ATP8A2: variants seen among roughly 807,000 people sequenced by gnomAD.
ATP8A2 encodes ATPase phospholipid transporting 8A2.
In ATP8A2, 100 loss-of-function variants were observed where a neutral mutation model predicts 165.6. That is an observed-to-expected ratio of 0.60 (90% CI 0.51 to 0.71). The LOEUF (loss-of-function observed/expected upper bound fraction) is 0.71. ATP8A2 is among the 30% of genes least tolerant of loss of function. The pLI is 0.00. For synonymous variants in ATP8A2, 543 were observed against 548.8 expected, an observed-to-expected ratio of 0.99 and a Z score of 0.15; for missense variants, 1,227 against 1,479.5, an observed-to-expected ratio of 0.83 and a Z score of 2.80.
At chr13:25,679,395 G>A (rs1246046009) in intron 24 of ATP8A2, among the ~76,000 whole-genome samples, 1 of 152,198 alleles carries the variant, frequency 6.6e-6, no homozygotes, top group East Asian at 1.9e-4. Context: ...TTATCACCCA[G>A]GCAGCCATGT....
Position 25,699,213 on chromosome 13 carries a change from G to T in ATP8A2, c.2252G>T (p.Gly751Val), listed in dbSNP as rs1276351013. ...AAITQHCTDLGNLLGKENDVA... is the reference protein window; with the variant it reads ...AAITQHCTDLVNLLGKENDVA... ...ATTACTCAGCACTGCACTGACCTTG[G>T]GAATTTGCTGGGCAAGGAAAATGAC... Residue 751 changes from glycine (G) to valine (V), a missense_variant, in exon 25 of 37, where the codon GGG (glycine) becomes GTG (valine). By Grantham distance (109) the Gly-to-Val change is moderately radical (BLOSUM62 -3). This residue lies in a region of ATP8A2 where 592 missense variants were observed against 785.6 expected (regional missense o/e 0.75). Coordinates refer to ENST00000381655, the MANE Select transcript of ATP8A2 (RefSeq NM_016529.6). 3 of 1,612,296 alleles carry T rather than the reference G, an allele frequency of 1.9e-6. No individual in the cohort carries two copies. The South Asian group carries it at 3.3e-5, about 18-fold the overall frequency.
intron 28 of ATP8A2, among the ~76,000 whole-genome samples, chr13:25,834,983 CGTGTGTGT>C (rs61614959): frequency 6.7e-6 from 1 of 149,536 alleles, no homozygotes; most frequent in Admixed American, 6.6e-5. Flanking sequence ...TGATCCCTAA[CGTGTGTGT>C]GTGTGTGTGT....
At chr13:25,707,210 T>G (rs1013520753) in intron 25 of ATP8A2, among the ~76,000 whole-genome samples, 4 of 152,170 alleles carry the variant, frequency 2.6e-5, no homozygotes, top group African/African-American at 9.7e-5. Context: ...TCTAAATAAT[T>G]ATTTACAGCT....
chr13:25,973,629 A>G (rs2139225190), intron 35 of ATP8A2, among the ~76,000 whole-genome samples: 1 of 152,370 alleles, frequency 6.6e-6, no homozygotes, highest in South Asian at 2.1e-4. Flanking sequence ...TACTCAACTC[A>G]AAAATACCTG....
At chr13:25,503,037 C>T (rs922033577) in intron 2 of ATP8A2, among the ~76,000 whole-genome samples, 1 of 152,070 alleles carries the variant, frequency 6.6e-6, no homozygotes, top group South Asian at 2.1e-4. Context: ...ATGGAGGTGT[C>T]CAAGCGGGGG....
intron 25 of ATP8A2, among the ~76,000 whole-genome samples, chr13:25,735,100 CCT>C (rs1168209282): frequency 6.6e-6 from 1 of 152,086 alleles, no homozygotes; most frequent in Non-Finnish European, 1.5e-5. Context: ...GTTCCATTCC[CCT>C]GTCTTGAGGG....
At chr13:25,386,364 C>T (rs542676265) in intron 1 of ATP8A2, among the ~76,000 whole-genome samples, 3 of 152,258 alleles carry the variant, frequency 2.0e-5, no homozygotes, top group East Asian at 1.9e-4. Context: ...ATGTAGAGTC[C>T]GATTAACCAA....
intron 2 of ATP8A2, among the ~76,000 whole-genome samples, chr13:25,510,014 C>T (rs1431164872): frequency 6.6e-6 from 1 of 152,198 alleles, no homozygotes; most frequent in Non-Finnish European, 1.5e-5. Flanking sequence ...GGGCACTGTG[C>T]TGTTGGTCTG....
At chr13:26,010,002 G>T (rs774808436) in intron 35 of ATP8A2, among the ~76,000 whole-genome samples, 2 of 152,140 alleles carry the variant, frequency 1.3e-5, no homozygotes, top group Non-Finnish European at 2.9e-5. Flanking sequence ...GTAGGCAGAG[G>T]CTGCAGTGAG....
chr13:25,746,746 G>A (rs1216639609), intron 25 of ATP8A2, among the ~76,000 whole-genome samples: 1 of 152,192 alleles, frequency 6.6e-6, no homozygotes, highest in East Asian at 1.9e-4. Context: ...GTTGATTCCA[G>A]CTGAAGTGTT....
At chr13:25,529,908 A>T in intron 2 of ATP8A2, 91 bp from the exon 3 acceptor site, 1 of 708,452 alleles carries the variant, frequency 1.4e-6, no homozygotes, top group African/African-American at 1.8e-5. Flanking sequence ...TTTTTAAACC[A>T]TTTGTAAAAC....
intron 24 of ATP8A2, among the ~76,000 whole-genome samples, chr13:25,644,060 G>T (rs2041607881): frequency 6.6e-6 from 1 of 151,822 alleles, no homozygotes; most frequent in Non-Finnish European, 1.5e-5. Flanking sequence ...CATTGTTAGT[G>T]TATAGAAATG....
At chr13:25,999,109 A>G (rs996775) in intron 35 of ATP8A2, among the ~76,000 whole-genome samples, 37,120 of 152,196 alleles carry the variant, frequency 0.24, 4,830 homozygotes, top group Middle Eastern at 0.33. Flanking sequence ...ACCACAAATC[A>G]GTTAATACAA....
intron 23 of ATP8A2, among the ~76,000 whole-genome samples, chr13:25,584,318 A>T (rs1442002462): frequency 6.6e-6 from 1 of 152,198 alleles, no homozygotes; most frequent in East Asian, 1.9e-4. Context: ...CATGCTCTAG[A>T]TACAGAGTGG....
At chr13:25,581,447 G>T (rs1197546820) in intron 22 of ATP8A2, among the ~76,000 whole-genome samples, 1 of 152,124 alleles carries the variant, frequency 6.6e-6, no homozygotes, top group African/African-American at 2.4e-5. Flanking sequence ...TCTAGAATTA[G>T]TTCTCCTCCT....
chr13:25,957,688 A>T (rs1955557845), intron 33 of ATP8A2, among the ~76,000 whole-genome samples: 1 of 152,236 alleles, frequency 6.6e-6, no homozygotes, highest in African/African-American at 2.4e-5. Context: ...GAGTTCAGCC[A>T]TTGTGAAAGA....
At chr13:25,777,260 C>T (rs1405966856) in intron 27 of ATP8A2, among the ~76,000 whole-genome samples, 1 of 152,058 alleles carries the variant, frequency 6.6e-6, no homozygotes, top group African/African-American at 2.4e-5. Flanking sequence ...AATCCTTGAC[C>T]GAGCCTATAT....
chr13:25,618,621 CT>C (rs552403906), intron 24 of ATP8A2, among the ~76,000 whole-genome samples: 199 of 135,754 alleles, frequency 1.5e-3, no homozygotes, highest in African/African-American at 2.5e-3. Context: ...TGGCAGTAAA[CT>C]TTTTTTTTTT....
At chr13:25,729,282 C>T (rs1006416838) in intron 25 of ATP8A2, among the ~76,000 whole-genome samples, 1 of 152,194 alleles carries the variant, frequency 6.6e-6, no homozygotes, top group South Asian at 2.1e-4. Flanking sequence ...ATAACCTGGC[C>T]TTGGTTTCTG....
Sources: gnomAD v4.1 joint callset for allele counts (sites outside exome capture counted in the v4.1 genomes callset) on GRCh38, gnomAD v4.1.1 for gene constraint, gnomAD v4.1.1 regional missense constraint, MANE v1.5 for transcripts, NCBI Gene and HGNC (gene_info 2026-07-23, HGNC 2026-07-21) for gene names.